GRM5: variants seen among roughly 807,000 people sequenced by gnomAD.
GRM5 encodes the protein glutamate metabotropic receptor 5, also known as metabotropic glutamate receptor 5.
A neutral mutation model predicts 83.1 loss-of-function variants in GRM5; 19 were observed. The observed-to-expected ratio is 0.23, with a 90% confidence interval of 0.16 to 0.34. GRM5 has a LOEUF of 0.34. GRM5 is among the 10% of genes least tolerant of loss of function. The pLI is 1.00. For synonymous variants in GRM5, 675 were observed against 633.6 expected, an observed-to-expected ratio of 1.07 and a Z score of -0.98; for missense variants, 1,160 against 1,588.3, an observed-to-expected ratio of 0.73 and a Z score of 4.58.
chr11:88,525,500 C>T (rs1364623031), intron 8 of GRM5, 96 bp from the exon 9 acceptor site: 7 of 735,336 alleles, frequency 9.5e-6, no homozygotes, highest in African/African-American at 1.8e-5. Flanking sequence ...GAGATGGTCA[C>T]TCTGTGCCAA....
At chr11:89,058,082 CA>C (rs910479841) in intron 1 of GRM5, among the ~76,000 whole-genome samples, 4 of 151,382 alleles carry the variant, frequency 2.6e-5, no homozygotes, top group South Asian at 2.1e-4. Flanking sequence ...GGTCTCCCCA[CA>C]AAAAAAAACA....
chr11:88,786,946 T>C (rs1339182038), intron 3 of GRM5, among the ~76,000 whole-genome samples: 1 of 152,110 alleles, frequency 6.6e-6, no homozygotes, highest in African/African-American at 2.4e-5. Context: ...ATAATGTATG[T>C]ATTATTCAGA....
chr11:88,706,244 G>T (rs372547165), intron 3 of GRM5, among the ~76,000 whole-genome samples: 5 of 152,086 alleles, frequency 3.3e-5, no homozygotes, highest in African/African-American at 1.2e-4. Context: ...GATCTTTGAA[G>T]GTCCAGTTGT....
intron 9 of GRM5, among the ~76,000 whole-genome samples, chr11:88,509,999 A>G (rs1941321280): frequency 1.3e-5 from 2 of 152,172 alleles, no homozygotes; most frequent in African/African-American, 4.8e-5. Flanking sequence ...GATTACCAGG[A>G]GGTAGTCAGT....
intron 3 of GRM5, among the ~76,000 whole-genome samples, chr11:88,735,291 G>A (rs149258603): frequency 0.015 from 2,287 of 152,128 alleles, 65 homozygotes; most frequent in Admixed American, 0.076. Context: ...TTTGTGGTCA[G>A]TAAATTTTGT....
At chr11:88,775,343 G>T (rs1942824749) in intron 3 of GRM5, among the ~76,000 whole-genome samples, 1 of 151,744 alleles carries the variant, frequency 6.6e-6, no homozygotes, top group African/African-American at 2.4e-5. Context: ...TCCTTTACTT[G>T]TCTTCCTAGC....
chr11:88,645,149 A>C (rs1939405046), intron 4 of GRM5, among the ~76,000 whole-genome samples: 1 of 152,106 alleles, frequency 6.6e-6, no homozygotes, highest in Admixed American at 6.6e-5. Flanking sequence ...CGTTCATTTA[A>C]TCTTCATTTT....
intron 7 of GRM5, among the ~76,000 whole-genome samples, chr11:88,571,263 A>C (rs1334970236): frequency 6.6e-6 from 1 of 152,210 alleles, no homozygotes; most frequent in Non-Finnish European, 1.5e-5. Context: ...AACTCATTAG[A>C]TATATGTGTT....
intron 3 of GRM5, among the ~76,000 whole-genome samples, chr11:88,690,808 A>G (rs1343582294): frequency 2.0e-5 from 3 of 152,226 alleles, no homozygotes; most frequent in African/African-American, 7.2e-5. Flanking sequence ...GGCCAGAGGT[A>G]CAACCTGCAC....
In GRM5 at chr11:88,774,377, C is replaced by T. The variant is rs534908639; in HGVS notation, c.911+75529G>A. Among the ~76,000 whole-genome samples the T allele has an allele frequency of 1.8e-4, 27 of 152,258 alleles. 1 individual carries two copies. The East Asian group carries it at 3.7e-3, about 21-fold the overall frequency. ...GAGACAATAGGGTTTTCTAAACATA[C>T]AATCATGTCATCTGCAAACAGGAAC... On this transcript the variant is annotated intron_variant, in intron 3 of 9. Coordinates refer to ENST00000305447, the MANE Select transcript of GRM5 (RefSeq NM_001143831.3).
At chr11:88,609,284 A>G (rs767939771) in intron 4 of GRM5, among the ~76,000 whole-genome samples, 14 of 152,140 alleles carry the variant, frequency 9.2e-5, no homozygotes, top group Non-Finnish European at 1.3e-4. Context: ...ACTCAGGATA[A>G]TGGTTTTGGG....
In GRM5 at chr11:88,660,908, T is replaced by A. The variant is rs566293131; in HGVS notation, c.912-7505A>T. ...CAGACAGATTTAGCTTGAATGCAAC[T>A]TATCAAAAAGCTCCTCTGGGCTTAA... On this transcript the variant is annotated intron_variant, in intron 3 of 9. Transcript: ENST00000305447. Among the ~76,000 whole-genome samples the A allele has an allele frequency of 7.2e-5, 11 of 152,328 alleles. No individual in the cohort carries two copies. In the South Asian group the frequency reaches 2.3e-3, roughly 32 times the overall value.
intron 3 of GRM5, among the ~76,000 whole-genome samples, chr11:88,787,828 GA>G (rs1473132947): frequency 2.0e-5 from 3 of 152,044 alleles, no homozygotes; most frequent in African/African-American, 7.2e-5. Context: ...AATGAATGGG[GA>G]AAAAGGGATA....
chr11:88,778,776 C>G (rs1942914279), intron 3 of GRM5, among the ~76,000 whole-genome samples: 1 of 152,112 alleles, frequency 6.6e-6, no homozygotes, highest in Non-Finnish European at 1.5e-5. Context: ...TTTAAGTGAT[C>G]TGGATATTTT....
chr11:88,754,140 G>A (rs1942346841), intron 3 of GRM5, among the ~76,000 whole-genome samples: 1 of 152,154 alleles, frequency 6.6e-6, no homozygotes, highest in Admixed American at 6.6e-5. Flanking sequence ...TCAGGGACAT[G>A]GATGGATTTG....
intron 3 of GRM5, among the ~76,000 whole-genome samples, chr11:88,714,479 T>C (rs1378985925): frequency 6.6e-6 from 1 of 152,002 alleles, no homozygotes; most frequent in Admixed American, 6.6e-5. Flanking sequence ...AGAGACATTG[T>C]TAAAAAAGTG....
intron 8 of GRM5, among the ~76,000 whole-genome samples, chr11:88,561,975 C>G (rs1260838898): frequency 6.6e-6 from 1 of 152,058 alleles, no homozygotes; most frequent in Non-Finnish European, 1.5e-5. Flanking sequence ...TGGAAATTTG[C>G]TTCGTCTAGC....
chr11:89,034,463 T>C (rs1457735374), intron 2 of GRM5, among the ~76,000 whole-genome samples: 1 of 151,896 alleles, frequency 6.6e-6, no homozygotes, highest in Non-Finnish European at 1.5e-5. Context: ...TCTGCTTACA[T>C]ATGAACATAT....
chr11:88,601,811 G>A (rs1938006905), intron 5 of GRM5, among the ~76,000 whole-genome samples: 1 of 152,158 alleles, frequency 6.6e-6, no homozygotes, highest in Non-Finnish European at 1.5e-5. Context: ...TTTGCTGTGA[G>A]GGGATGTATG....
Sources: gnomAD v4.1 joint callset for allele counts (sites outside exome capture counted in the v4.1 genomes callset) on GRCh38, gnomAD v4.1.1 for gene constraint, MANE v1.5 for transcripts, NCBI Gene and HGNC (gene_info 2026-07-23, HGNC 2026-07-21) for gene names.